Variants in WDFY3 observed in about 807,000 individuals in gnomAD.
The protein encoded by WDFY3 is WD repeat and FYVE domain containing 3, also known as WD repeat and FYVE domain-containing protein 3.
WDFY3 carries 66 observed loss-of-function variants against 409.6 expected under a neutral mutation model. That is an observed-to-expected ratio of 0.16 (90% CI 0.13 to 0.20). The LOEUF is 0.20. WDFY3 is among the 10% of genes least tolerant of loss of function. The pLI is 1.00. For synonymous variants in WDFY3, 1,521 were observed against 1,537.1 expected (o/e 0.99, Z 0.25); for missense variants, 3,031 against 4,298.1 (o/e 0.71, Z 8.24).
At chr4:84,863,996 T>C (rs1312431297) in intron 3 of WDFY3, among the ~76,000 whole-genome samples, 3 of 152,228 alleles carry the variant, frequency 2.0e-5, no homozygotes, top group Admixed American at 2.0e-4. Context: ...TTTTTCTTGT[T>C]CAAGACTGCT....
rs1269007069 is a variant in WDFY3, at chr4:84,853,118, C to T, written c.181-3093G>A. On this transcript the variant is annotated intron_variant, in intron 4 of 67. Transcript: ENST00000295888. ...TAAAAATTGAGAAACCTAATAATGA[C>T]ACATCTTTGAATAGCCATTCCACCT... 3.3e-5 allele frequency among the ~76,000 whole-genome samples: 5 copies of T among 152,034 alleles called. No homozygotes were observed. The East Asian group carries it at 7.7e-4, about 24-fold the overall frequency.
At chr4:84,811,225 C>T (rs540564772) in intron 13 of WDFY3, among the ~76,000 whole-genome samples, 3 of 152,262 alleles carry the variant, frequency 2.0e-5, no homozygotes, top group Non-Finnish European at 2.9e-5. Flanking sequence ...TCTCAAACTC[C>T]TAGTCTCAAG....
chr4:84,755,856 T>C (rs1308675207), intron 33 of WDFY3, among the ~76,000 whole-genome samples: 1 of 152,208 alleles, frequency 6.6e-6, no homozygotes, highest in Non-Finnish European at 1.5e-5. Flanking sequence ...TTAATAGCAG[T>C]TTTATATATA....
intron 64 of WDFY3, among the ~76,000 whole-genome samples, chr4:84,680,986 T>C (rs1727250308): frequency 6.6e-6 from 1 of 152,190 alleles, no homozygotes; most frequent in Admixed American, 6.5e-5. Context: ...TCCTACTCAG[T>C]AGGGGGCTAT....
In WDFY3 at chr4:84,709,238, GA is replaced by G. The variant is rs1732494958; in HGVS notation, c.8097+54del. The G allele has an allele frequency of 9.9e-6, 15 of 1,514,762 alleles. No homozygotes were observed. The South Asian group carries it at 1.8e-4, about 18-fold the overall frequency. The allele number at this position is 1,514,762 out of a possible 1,614,324, so 93.8% of individuals were successfully genotyped here. A position where few individuals can be genotyped will look rare whatever the true frequency, so the allele number is the denominator to read the frequency against. On this transcript the variant is annotated intron_variant, in intron 52 of 67. Coordinates refer to ENST00000295888, the MANE Select transcript of WDFY3 (RefSeq NM_014991.6). ...ATAATTAAAGTGCTTTTAACTGTATGACTTCTACTCTAATTACGAACTTCTA... is the reference window on the plus strand; with the variant it reads ...ATAATTAAAGTGCTTTTAACTGTATGCTTCTACTCTAATTACGAACTTCTA...
intron 18 of WDFY3, among the ~76,000 whole-genome samples, chr4:84,797,131 A>G (rs779848452): frequency 6.6e-6 from 1 of 152,168 alleles, no homozygotes; most frequent in Non-Finnish European, 1.5e-5. Context: ...GGAAAAGTAA[A>G]CAATTTTAGA....
intron 15 of WDFY3, 33 bp downstream of exon 15, chr4:84,808,301 A>T: frequency 6.4e-7 from 1 of 1,571,562 alleles, no homozygotes; most frequent in Non-Finnish European, 8.7e-7. Flanking sequence ...ACCCCACACA[A>T]ATAGAGACTG....
intron 64 of WDFY3, among the ~76,000 whole-genome samples, chr4:84,681,055 C>T (rs1225972606): frequency 6.6e-6 from 1 of 152,136 alleles, no homozygotes; most frequent in Non-Finnish European, 1.5e-5. Context: ...CTCTGAGGTC[C>T]GCAAACAAGC....
chr4:84,690,712 C>T, intron 60 of WDFY3, 48 bp from the exon 61 acceptor site: 1 of 1,541,506 alleles, frequency 6.5e-7, no homozygotes, highest in Non-Finnish European at 8.7e-7. Context: ...AAGTACTATA[C>T]AAACTTCTGA....
intron 58 of WDFY3, 133 bp from the exon 59 acceptor site, chr4:84,693,165 C>T: frequency 1.0e-6 from 1 of 956,006 alleles, no homozygotes; most frequent in East Asian, 2.7e-5. Context: ...CCTCATTTTA[C>T]ACCCGAGGAA....
At chr4:84,812,557 G>A (rs1209743937) in intron 13 of WDFY3, among the ~76,000 whole-genome samples, 1 of 152,148 alleles carries the variant, frequency 6.6e-6, no homozygotes, top group Non-Finnish European at 1.5e-5. Context: ...CCTTAGAGAA[G>A]TGCCCGGCAT....
chr4:84,778,163 A>T (rs1485394445), intron 27 of WDFY3, among the ~76,000 whole-genome samples: 4 of 152,148 alleles, frequency 2.6e-5, no homozygotes, highest in Non-Finnish European at 4.4e-5. Flanking sequence ...CTGTAACCAA[A>T]ATTAGAGGTC....
At chr4:84,830,176 A>G (rs1578717479) in intron 8 of WDFY3, among the ~76,000 whole-genome samples, 2 of 152,186 alleles carry the variant, frequency 1.3e-5, no homozygotes, top group African/African-American at 4.8e-5. Context: ...TGTATTAATT[A>G]TTTTGAAAGA....
At chr4:84,898,922 G>A (rs1200347921) in intron 2 of WDFY3, among the ~76,000 whole-genome samples, 11 of 152,126 alleles carry the variant, frequency 7.2e-5, no homozygotes, top group Non-Finnish European at 1.6e-4. Flanking sequence ...ACAAAGATAC[G>A]ATCTCACAGG....
intron 51 of WDFY3, among the ~76,000 whole-genome samples, chr4:84,711,619 G>A (rs1018964330): frequency 5.9e-5 from 9 of 152,080 alleles, no homozygotes; most frequent in African/African-American, 1.7e-4. Flanking sequence ...TTGGGAGGCC[G>A]AGGAGGGCGG....
At chr4:84,680,688 C>T (rs1179051229) in intron 64 of WDFY3, among the ~76,000 whole-genome samples, 1 of 152,140 alleles carries the variant, frequency 6.6e-6, no homozygotes, top group African/African-American at 2.4e-5. Context: ...ACTGTGTCTG[C>T]AAATGAACAT....
At chr4:84,859,346 T>G (rs924054225) in intron 4 of WDFY3, among the ~76,000 whole-genome samples, 1 of 152,142 alleles carries the variant, frequency 6.6e-6, no homozygotes, top group African/African-American at 2.4e-5. Context: ...TATGTATGTA[T>G]GTATGTACAT....
intron 32 of WDFY3, among the ~76,000 whole-genome samples, chr4:84,760,675 A>G (rs1177541510): frequency 6.0e-5 from 9 of 150,564 alleles, no homozygotes; most frequent in Non-Finnish European, 1.2e-4. Context: ...TTTTTATTGC[A>G]TCTATTTGAT....
At chr4:84,793,538 CTG>C (rs1454155728) in intron 21 of WDFY3, among the ~76,000 whole-genome samples, 1 of 152,166 alleles carries the variant, frequency 6.6e-6, no homozygotes, top group Non-Finnish European at 1.5e-5. Flanking sequence ...AGGTGAAACA[CTG>C]GAGAATACTA....
Sources: allele counts gnomAD v4.1 joint callset (sites outside exome capture counted in the v4.1 genomes callset), GRCh38; gene constraint gnomAD v4.1.1; transcripts MANE v1.5; gene names NCBI Gene and HGNC (gene_info 2026-07-23, HGNC 2026-07-21).